KPNA5: variants seen among roughly 807,000 people sequenced by gnomAD.
The protein encoded by KPNA5 is karyopherin subunit alpha 5, also known as importin subunit alpha-6.
In KPNA5, 46 loss-of-function variants were observed where a neutral mutation model predicts 71.3. The observed-to-expected ratio is 0.65, with a 90% CI of 0.51 to 0.83. The LOEUF (loss-of-function observed/expected upper bound fraction) is 0.83. KPNA5 is among the 40% of genes least tolerant of loss of function. The pLI is 0.00. For missense variants in KPNA5, 547 were observed against 628.3 expected (o/e 0.87, Z 1.38); for synonymous variants, 207 against 201.4 (o/e 1.03, Z -0.24).
Position 116,739,680 on chromosome 6 carries a change from A to G in KPNA5, c.*7357A>G, listed in dbSNP as rs1432074650. ...ATCAATGGAACAGAACAGAGCCATC[A>G]GAAATAATGCCGCATATCTACAACT... On this transcript the variant is annotated 3_prime_UTR_variant, in exon 14 of 14. Coordinates refer to ENST00000368564, the MANE Select transcript of KPNA5 (RefSeq NM_001366306.2). The G allele has an allele frequency of 6.6e-6, 1 of 152,222 alleles. No individual in the cohort carries two copies. Among genetic ancestry groups the G allele is most frequent in the Non-Finnish European group, 1.5e-5 (1 of 68,058 alleles). 9.4% of individuals were successfully genotyped at this position (152,222 alleles called of 1,614,324 possible).
At chr6:116,697,925 A>G (rs1460394443) in intron 4 of KPNA5, among the ~76,000 whole-genome samples, 1 of 152,034 alleles carries the variant, frequency 6.6e-6, no homozygotes, top group African/African-American at 2.4e-5. Flanking sequence ...AATTCGGTTA[A>G]GGTTGTAAGG....
intron 6 of KPNA5, among the ~76,000 whole-genome samples, chr6:116,702,409 A>G (rs562326479): frequency 6.6e-5 from 10 of 152,166 alleles, no homozygotes; most frequent in Non-Finnish European, 1.0e-4. Flanking sequence ...GAGGCTGGGC[A>G]TGGTGGCTCA....
At chr6:116,692,979 T>C (rs1777864261) in intron 4 of KPNA5, among the ~76,000 whole-genome samples, 2 of 152,298 alleles carry the variant, frequency 1.3e-5, no homozygotes, top group South Asian at 2.1e-4. Context: ...AGTGAGAACA[T>C]GCGGTGTTTG....
chr6:116,730,406 C>G (rs1779441087), intron 13 of KPNA5, among the ~76,000 whole-genome samples: 1 of 151,994 alleles, frequency 6.6e-6, no homozygotes, highest in Non-Finnish European at 1.5e-5. Context: ...CATATTGAGT[C>G]AAGTTTTAGC....
At chr6:116,695,720 CTTCT>C (rs1778001703) in intron 4 of KPNA5, among the ~76,000 whole-genome samples, 1 of 152,150 alleles carries the variant, frequency 6.6e-6, no homozygotes, top group Admixed American at 6.5e-5. Context: ...TCAAGAATGG[CTTCT>C]TTCTTCCTCA....
intron 7 of KPNA5, among the ~76,000 whole-genome samples, chr6:116,706,353 A>G (rs1778436220): frequency 6.6e-6 from 1 of 152,222 alleles, no homozygotes; most frequent in Non-Finnish European, 1.5e-5. Flanking sequence ...AAAATAAAAC[A>G]AAGGAAGAAT....
At chr6:116,687,350 G>A (rs547309275) in intron 1 of KPNA5, among the ~76,000 whole-genome samples, 28 of 152,144 alleles carry the variant, frequency 1.8e-4, no homozygotes, top group Non-Finnish European at 3.2e-4. Context: ...TCAGGAAAAG[G>A]CAGAACTATA....
intron 13 of KPNA5, 102 bp downstream of exon 13, chr6:116,729,843 T>C (rs1478123973): frequency 1.1e-5 from 8 of 700,904 alleles, no homozygotes; most frequent in African/African-American, 1.1e-4. Context: ...AAGCAGTATG[T>C]ATTTTTTTAA....
rs1300703984 is a variant in KPNA5 at position 116,738,895 on chromosome 6, A to G, written c.*6572A>G. ...CTATGACAAACCCACAGCCAATATC[A>G]TACTGAATGGGCAAAAACTGGAAGC... On this transcript the variant is annotated 3_prime_UTR_variant, in exon 14 of 14. Coordinates refer to ENST00000368564, the MANE Select transcript of KPNA5 (RefSeq NM_001366306.2). 2.0e-5 allele frequency: 3 copies of G among 151,878 alleles called. No homozygotes were observed. The East Asian group carries it at 5.8e-4, about 29-fold the overall frequency. 9.4% of individuals were successfully genotyped at this position (151,878 alleles called of 1,614,324 possible).
chr6:116,722,185 A>G lies in KPNA5; in HGVS notation c.816A>G (p.Leu272=). The change falls in exon 9 of 14, where the codon TTA becomes TTG. Residue 272 remains leucine, a synonymous_variant. Coordinates refer to ENST00000368564, the MANE Select transcript of KPNA5 (RefSeq NM_001366306.2). The part of the protein sequence containing the change: ...RLLFSSDPDV[L]ADVCWALSYL... Reference sequence around the variant, plus strand: ...TGTTTAGCAGTGACCCAGATGTGTTAGCAGACGTGTGTTGGGCCCTTTCTT... The same window carrying G: ...TGTTTAGCAGTGACCCAGATGTGTTGGCAGACGTGTGTTGGGCCCTTTCTT... 1 of 1,613,164 alleles carries G rather than the reference A, an allele frequency of 6.2e-7. No individual in the cohort carries two copies. Among genetic ancestry groups the G allele is most frequent in the Non-Finnish European group, 8.5e-7 (1 of 1,179,410 alleles).
rs1277616210 is a variant in KPNA5 at position 116,701,281 on chromosome 6, T to C, written c.436-738T>C. 2.6e-5 allele frequency among the ~76,000 whole-genome samples: 4 copies of C among 152,304 alleles called. 1 individual carries two copies. The East Asian group carries it at 7.7e-4, about 29-fold the overall frequency. Reference sequence around the variant, plus strand: ...TTTTATATGTCAAATATGTGAAATATTTTTTAAACTATATTCACTGCTTAG... The same window carrying C: ...TTTTATATGTCAAATATGTGAAATACTTTTTAAACTATATTCACTGCTTAG... On this transcript the variant is annotated intron_variant, in intron 5 of 13. Transcript: ENST00000368564.
chr6:116,726,622 G>A lies in KPNA5; in HGVS notation c.1253G>A (p.Arg418Lys). 1.9e-6 allele frequency: 3 copies of A among 1,582,898 alleles called. No individual in the cohort carries two copies. The highest frequency in any genetic ancestry group is 2.3e-5 in the East Asian group (1 of 43,636). The stretch of plus-strand genomic sequence containing the variant: ...TCAGGAGGTACTCCAGAGCAAATAA[G>A]GTATGATATAAACTTCTTAATTGTT... ...ATSGGTPEQI[R>K]YLVALGCIKP... The change falls in exon 12 of 14, where the codon AGG (arginine) becomes AAG (lysine). Residue 418 changes from arginine to lysine, a missense_variant and splice_region_variant. Coordinates refer to ENST00000368564, the MANE Select transcript of KPNA5 (RefSeq NM_001366306.2).
At chr6:116,696,479 G>A (rs1450911531) in intron 4 of KPNA5, among the ~76,000 whole-genome samples, 1 of 152,132 alleles carries the variant, frequency 6.6e-6, no homozygotes, top group Admixed American at 6.6e-5. Flanking sequence ...ATATGAATAT[G>A]CCCTGGGTAC....
intron 11 of KPNA5, 47 bp downstream of exon 11, chr6:116,725,923 C>A: frequency 6.4e-7 from 1 of 1,552,372 alleles, no homozygotes; most frequent in Non-Finnish European, 8.7e-7. Flanking sequence ...GTCTAAGAAG[C>A]CAGTTTGGAC....
chr6:116,729,513 CTT>C, intron 12 of KPNA5, 48 bp from the exon 13 acceptor site: 1 of 1,226,438 alleles, frequency 8.2e-7, no homozygotes, highest in Non-Finnish European at 1.1e-6. Flanking sequence ...GTACTTAAGT[CTT>C]TTTAAATCTT....
chr6:116,719,239 G>A (rs971087139), intron 8 of KPNA5, among the ~76,000 whole-genome samples: 9 of 151,942 alleles, frequency 5.9e-5, no homozygotes, highest in African/African-American at 2.2e-4. Flanking sequence ...TTGTTTTTTG[G>A]CATCTTTGTT....
chr6:116,681,288 T>C lies in KPNA5; in HGVS notation c.-47T>C. 6.2e-7 allele frequency: 1 copy of C among 1,609,514 alleles called. No homozygotes were observed. Among genetic ancestry groups the C allele is most frequent in the East Asian group, 2.2e-5 (1 of 44,496 alleles). ...GCCCTTCTGTTACCCGCCACACACG[T>C]CGCCGCTGGGGACTGGGAAATCAGG... On this transcript the variant is annotated 5_prime_UTR_variant, in exon 1 of 14. Coordinates refer to ENST00000368564, the MANE Select transcript of KPNA5 (RefSeq NM_001366306.2).
Position 116,737,023 on chromosome 6 carries a change from CTGTT to C in KPNA5, c.*4702_*4705del, listed in dbSNP as rs1273239731. On this transcript the variant is annotated 3_prime_UTR_variant, in exon 14 of 14. Coordinates refer to ENST00000368564, the MANE Select transcript of KPNA5 (RefSeq NM_001366306.2). ...AATTCTGTCATTTCTTGCTCTGTTT[CTGTT>C]TATTGATTTTTTTATTATGAGTTGT... The C allele has an allele frequency of 6.6e-6, 1 of 151,688 alleles. No homozygotes were observed. The highest frequency in any genetic ancestry group is 6.6e-5 in the Admixed American group (1 of 15,160). 9.4% of individuals were successfully genotyped at this position (151,688 alleles called of 1,614,324 possible).
At chr6:116,685,162 G>A (rs1193742549) in intron 1 of KPNA5, among the ~76,000 whole-genome samples, 1 of 152,132 alleles carries the variant, frequency 6.6e-6, no homozygotes, top group African/African-American at 2.4e-5. Flanking sequence ...CTGATAAACC[G>A]TGATCTGTCC....
Sources: allele counts gnomAD v4.1 joint callset (sites outside exome capture counted in the v4.1 genomes callset), GRCh38; gene constraint gnomAD v4.1.1; transcripts MANE v1.5; gene names NCBI Gene and HGNC (gene_info 2026-07-23, HGNC 2026-07-21).